Variants in ROCK1 observed in about 807,000 individuals in gnomAD.
ROCK1 encodes Rho associated coiled-coil containing protein kinase 1, also known as rho-associated protein kinase 1.
ROCK1 carries 36 observed loss-of-function variants against 196.8 expected under a neutral mutation model. The ratio of observed to expected loss-of-function variants is 0.18; its 90% CI spans 0.14 to 0.24. The LOEUF is 0.24. ROCK1 is among the 10% of genes least tolerant of loss of function. The pLI, the probability that ROCK1 is intolerant of heterozygous loss-of-function variation, is 1.00. For missense variants in ROCK1, 920 were observed against 1,562.0 expected (o/e 0.59, Z 6.93); for synonymous variants, 443 against 515.9 (o/e 0.86, Z 1.91).
At chr18:20,991,018 C>T (rs185304818) in intron 18 of ROCK1, among the ~76,000 whole-genome samples, 158 bp downstream of exon 18, 1 of 152,178 alleles carries the variant, frequency 6.6e-6, no homozygotes, top group African/African-American at 2.4e-5. Flanking sequence ...CTTCAGCCTC[C>T]CAAAGTGATG....
At chr18:21,028,626 A>G in intron 10 of ROCK1, 150 bp downstream of exon 10, 4 of 734,050 alleles carry the variant, frequency 5.4e-6, no homozygotes, top group Non-Finnish European at 8.3e-6. Context: ...GAAATTAAAT[A>G]TGAAATACTG....
At chr18:21,023,803 TTAAG>T in intron 10 of ROCK1, 123 bp from the exon 11 acceptor site, 1 of 467,778 alleles carries the variant, frequency 2.1e-6, no homozygotes, top group Non-Finnish European at 3.8e-6. Flanking sequence ...TTTTTAAAAA[TTAAG>T]TATAGGTTCA....
At chr18:20,989,761 T>C (rs1245408022) in intron 18 of ROCK1, among the ~76,000 whole-genome samples, 1 of 152,038 alleles carries the variant, frequency 6.6e-6, no homozygotes. Flanking sequence ...GTGAAGATAA[T>C]GAAGACAGGT....
chr18:20,984,348 T>C lies in ROCK1; in HGVS notation c.2489+3A>G, dbSNP rs1458232669. The C allele has an allele frequency of 6.3e-7, 1 of 1,589,294 alleles. No individual in the cohort carries two copies. Among genetic ancestry groups the C allele is most frequent in the Non-Finnish European group, 8.6e-7 (1 of 1,167,630 alleles). On this transcript the variant is annotated splice_donor_region_variant and intron_variant, in intron 20 of 32. Transcript: ENST00000399799. ...AAATCACAATGTTATTTTAAAGACTTACTTCGTAAGCTGAGCTAACTCAAA... is the reference window on the plus strand; with the variant it reads ...AAATCACAATGTTATTTTAAAGACTCACTTCGTAAGCTGAGCTAACTCAAA...
At chr18:21,068,461 T>C (rs2036355919) in intron 2 of ROCK1, among the ~76,000 whole-genome samples, 1 of 152,206 alleles carries the variant, frequency 6.6e-6, no homozygotes, top group Admixed American at 6.5e-5. Context: ...TCCAGGTCCT[T>C]TACATTTCCA....
intron 9 of ROCK1, among the ~76,000 whole-genome samples, chr18:21,038,415 T>G (rs757409589): frequency 2.0e-4 from 30 of 152,210 alleles, no homozygotes; most frequent in Non-Finnish European, 3.8e-4. Context: ...CCCTTTCTCC[T>G]CCTTAGACAA....
Position 20,967,960 on chromosome 18 carries a change from A to G in ROCK1, c.3004-20T>C. On this transcript the variant is annotated intron_variant, in intron 25 of 32. Transcript: ENST00000399799. ...AACAGCCTATTAAAATATTATTAAT[A>G]AAGATCAATAGTGTAGTCATCCAAT... 2 of 1,462,666 alleles carry G rather than the reference A, an allele frequency of 1.4e-6. No homozygotes were observed. The highest frequency in any genetic ancestry group is 2.4e-5 in the East Asian group (1 of 41,922). The allele number at this position is 1,462,666 out of a possible 1,614,324, so 90.6% of individuals were successfully genotyped here. A position where few individuals can be genotyped will look rare whatever the true frequency, so the allele number is the denominator to read the frequency against.
At chr18:21,000,396 G>A (rs2035713608) in intron 16 of ROCK1, among the ~76,000 whole-genome samples, 1 of 152,026 alleles carries the variant, frequency 6.6e-6, no homozygotes, top group South Asian at 2.1e-4. Flanking sequence ...CCAAGTAGCT[G>A]GGACTACAGG....
At chr18:21,086,000 GGA>G (rs1204625166) in intron 1 of ROCK1, among the ~76,000 whole-genome samples, 1 of 152,122 alleles carries the variant, frequency 6.6e-6, no homozygotes, top group African/African-American at 2.4e-5. Context: ...CAGACTTTGG[GGA>G]GAGAGAGTTT....
intron 10 of ROCK1, among the ~76,000 whole-genome samples, chr18:21,027,823 G>T (rs1293029069): frequency 7.4e-6 from 1 of 134,622 alleles, no homozygotes; most frequent in Non-Finnish European, 1.5e-5. Context: ...GTGCAGTGGC[G>T]CGATCTCGGC....
chr18:21,020,707 G>A (rs4800927), intron 11 of ROCK1, among the ~76,000 whole-genome samples: 1,580 of 152,278 alleles, frequency 0.01, 100 homozygotes, highest in Admixed American at 0.097. Flanking sequence ...CAAAGAAGGT[G>A]GCACAAGAAA....
intron 1 of ROCK1, among the ~76,000 whole-genome samples, chr18:21,071,181 CTTT>C (rs11344426): frequency 7.5e-4 from 68 of 90,370 alleles, no homozygotes; most frequent in African/African-American, 2.3e-3. Flanking sequence ...ATTTTTTCTG[CTTT>C]TTTTTTTTTT....
At chr18:21,032,880 G>A (rs2036021873) in intron 9 of ROCK1, among the ~76,000 whole-genome samples, 1 of 151,852 alleles carries the variant, frequency 6.6e-6, no homozygotes, top group South Asian at 2.1e-4. Context: ...AACACAGGCT[G>A]ACAAAATCTA....
chr18:20,994,895 A>G (rs761770999), intron 16 of ROCK1, among the ~76,000 whole-genome samples: 12 of 152,248 alleles, frequency 7.9e-5, no homozygotes, highest in Non-Finnish European at 1.3e-4. Flanking sequence ...AACACTAGGT[A>G]TCATAATCTA....
At chr18:20,991,382 GTAA>G in intron 17 of ROCK1, 56 bp from the exon 18 acceptor site, 5 of 1,167,654 alleles carry the variant, frequency 4.3e-6, no homozygotes, top group Non-Finnish European at 5.9e-6. Flanking sequence ...ATGCATGTTA[GTAA>G]ATCTTACATT....
At chr18:20,966,681 T>G (rs1366750020) in intron 27 of ROCK1, among the ~76,000 whole-genome samples, 1 of 152,222 alleles carries the variant, frequency 6.6e-6, no homozygotes, top group African/African-American at 2.4e-5. Flanking sequence ...CTTATGGTTT[T>G]TATTCAGGTA....
At chr18:21,096,295 G>A (rs2036612526) in intron 1 of ROCK1, among the ~76,000 whole-genome samples, 1 of 151,944 alleles carries the variant, frequency 6.6e-6, no homozygotes, top group African/African-American at 2.4e-5. Context: ...TGCCCCCCCG[G>A]GTTCAAGCAA....
At chr18:21,096,909 A>G (rs2036617489) in intron 1 of ROCK1, among the ~76,000 whole-genome samples, 1 of 152,208 alleles carries the variant, frequency 6.6e-6, no homozygotes. Flanking sequence ...ACTATGATCA[A>G]TTTCTAAATT....
chr18:21,082,798 C>T (rs539228933), intron 1 of ROCK1, among the ~76,000 whole-genome samples: 106 of 152,270 alleles, frequency 7.0e-4, no homozygotes, highest in Admixed American at 1.2e-3. Flanking sequence ...TTTGTCACTT[C>T]TATTCAACTC....
Sources: allele counts gnomAD v4.1 joint callset (sites outside exome capture counted in the v4.1 genomes callset), GRCh38; gene constraint gnomAD v4.1.1; transcripts MANE v1.5; gene names NCBI Gene and HGNC (gene_info 2026-07-23, HGNC 2026-07-21).